Variants in OAT observed in about 807,000 individuals in gnomAD.
OAT encodes the protein ornithine aminotransferase.
Under a neutral mutation model 48.4 loss-of-function variants are expected in OAT, and 35 were observed. The observed-to-expected ratio is 0.72, with a 90% CI of 0.55 to 0.96. The LOEUF (loss-of-function observed/expected upper bound fraction) is 0.96, where lower values mean the gene tolerates loss of function less well. OAT is among the 40% of genes least tolerant of loss of function. The probability of loss-of-function intolerance (pLI) is 0.00; values close to 1 mark genes in which losing one functional copy is unlikely to be tolerated. For missense variants in OAT, 438 were observed against 537.9 expected (o/e 0.81, Z 1.84); for synonymous variants, 182 against 198.4 (o/e 0.92, Z 0.70).
intron 2 of OAT, among the ~76,000 whole-genome samples, chr10:124,409,762 T>C (rs1000782452): frequency 2.0e-5 from 3 of 152,098 alleles, no homozygotes; most frequent in African/African-American, 7.2e-5. Flanking sequence ...GGGGAAAGAC[T>C]TGAATAGCTA....
Position 124,398,412 on chromosome 10 carries a change from G to A in OAT, c.1160-310C>T, listed in dbSNP as rs529875935. 2.0e-5 allele frequency among the ~76,000 whole-genome samples: 3 copies of A among 152,108 alleles called. No individual in the cohort carries two copies. In the East Asian group the frequency reaches 5.8e-4, roughly 30 times the overall value. On this transcript the variant is annotated intron_variant, in intron 9 of 9. Coordinates refer to ENST00000368845, the MANE Select transcript of OAT (RefSeq NM_000274.4). ...AGTCCCAGCTACTCGGGAGACTGAGGCAGGAGAATCGCTTGAACCAGGAGG... is the reference window on the plus strand; with the variant it reads ...AGTCCCAGCTACTCGGGAGACTGAGACAGGAGAATCGCTTGAACCAGGAGG...
chr10:124,399,368 C>T (rs1490519900), intron 9 of OAT, among the ~76,000 whole-genome samples: 5 of 103,114 alleles, frequency 4.8e-5, no homozygotes, highest in Non-Finnish European at 7.2e-5. Flanking sequence ...TTTTTTGAGA[C>T]GGAGTCTCAC....
At chr10:124,411,333 C>G (rs1951744586) in intron 2 of OAT, among the ~76,000 whole-genome samples, 3 of 151,912 alleles carry the variant, frequency 2.0e-5, no homozygotes, top group Non-Finnish European at 4.4e-5. Context: ...AATGTCAGTA[C>G]TATTTGTTAC....
intron 8 of OAT, among the ~76,000 whole-genome samples, chr10:124,401,318 C>G (rs919984440): frequency 1.3e-5 from 2 of 152,232 alleles, no homozygotes; most frequent in African/African-American, 4.8e-5. Context: ...TCACAAAGAT[C>G]TGTCCTCAGA....
In OAT at chr10:124,397,316, T is replaced by C. The variant is rs1951260196; in HGVS notation, c.*626A>G. On this transcript the variant is annotated 3_prime_UTR_variant, in exon 10 of 10. Coordinates refer to ENST00000368845, the MANE Select transcript of OAT (RefSeq NM_000274.4). ...CATCACAAAACAGACATTTGAAATATAAGCTTTATTTTAAATTTAAAGAAG... is the reference window on the plus strand; with the variant it reads ...CATCACAAAACAGACATTTGAAATACAAGCTTTATTTTAAATTTAAAGAAG... 2 of 152,288 alleles carry C rather than the reference T, an allele frequency of 1.3e-5. No individual in the cohort carries two copies. The highest frequency in any genetic ancestry group is 2.9e-5 in the Non-Finnish European group (2 of 68,082). 9.4% of individuals were successfully genotyped at this position (152,288 alleles called of 1,614,324 possible).
intron 1 of OAT, among the ~76,000 whole-genome samples, chr10:124,418,444 C>T (rs12260740): frequency 0.035 from 5,378 of 152,288 alleles, 316 homozygotes; most frequent in African/African-American, 0.12. Flanking sequence ...CCCCGGGGCG[C>T]CTCGGGGTCT....
chr10:124,404,869 C>T (rs1379356160), intron 5 of OAT, among the ~76,000 whole-genome samples: 1 of 152,100 alleles, frequency 6.6e-6, no homozygotes, highest in Non-Finnish European at 1.5e-5. Flanking sequence ...CGTGGCGAAA[C>T]CATGTCTCTA....
rs545693584 is a variant in OAT, at chr10:124,402,135, G to T, written c.901-296C>A. 3.3e-5 allele frequency among the ~76,000 whole-genome samples: 5 copies of T among 152,108 alleles called. No homozygotes were observed. The South Asian group carries it at 1.0e-3, about 32-fold the overall frequency. On this transcript the variant is annotated intron_variant, in intron 7 of 9. Transcript: ENST00000368845. ...GGCTGGTCTCGAACTCATGACCTCA[G>T]GTGATCTGCCTGCCTCGGCCTCCCA...
chr10:124,409,162 T>C (rs1951683673), intron 2 of OAT, among the ~76,000 whole-genome samples, 197 bp from the exon 3 acceptor site: 1 of 152,254 alleles, frequency 6.6e-6, no homozygotes, highest in Admixed American at 6.5e-5. Flanking sequence ...GTATTTTATC[T>C]GCCCAGCTTC....
chr10:124,408,519 A>C (rs1355630661), intron 4 of OAT, 23 bp downstream of exon 4: 1 of 1,557,628 alleles, frequency 6.4e-7, no homozygotes, highest in East Asian at 2.2e-5. Context: ...CAATCATAGA[A>C]GTTAATATTT....
Position 124,412,050 on chromosome 10 carries a change from T to C in OAT, c.122A>G (p.Asp41Gly), listed in dbSNP as rs749013256. The change falls in exon 2 of 10, where the codon GAT becomes GGT. Residue 41 changes from aspartate (D) to glycine (G), a missense_variant. Asp to Gly is a moderately conservative substitution (Grantham distance 94). Coordinates refer to ENST00000368845, the MANE Select transcript of OAT (RefSeq NM_000274.4). ...CTTATATTCCCTTTCAAAAATGTCA[T>C]CAGAGGTTGGAGGGCCTTGGACTGT... is the stretch of plus-strand genomic sequence containing the variant. ...KKTVQGPPTS[D>G]DIFEREYKYG... 5.0e-6 allele frequency: 8 copies of C among 1,614,070 alleles called. No individual in the cohort carries two copies. Among genetic ancestry groups the C allele is most frequent in the Admixed American group, 1.7e-5 (1 of 60,002 alleles).
Position 124,401,896 on chromosome 10 carries a change from T to A in OAT, c.901-57A>T, listed in dbSNP as rs17681531. 0.19 allele frequency: 250,407 copies of A among 1,292,824 alleles called. 27,408 individuals carry two copies. Among genetic ancestry groups the A allele is most frequent in the Non-Finnish European group, 0.22 (200,707 of 898,106 alleles). 80.1% of individuals were successfully genotyped at this position (1,292,824 alleles called of 1,614,324 possible). A position where few individuals can be genotyped will look rare whatever the true frequency, so the allele number is the denominator to read the frequency against. ...TCAGCACTAAGCATTCTACTAAGCA[T>A]CCTTTTCCCCAGAGTCTCGCTGTCA... On this transcript the variant is annotated intron_variant, in intron 7 of 9. Transcript: ENST00000368845.
chr10:124,407,164 C>CA (rs1261613639), intron 4 of OAT: 12 of 985,296 alleles, frequency 1.2e-5, no homozygotes, highest in African/African-American at 1.7e-5. Context: ...CACTTGTCCA[C>CA]AAAAAATAGC....
chr10:124,407,059 T>C, intron 4 of OAT: 1 of 985,452 alleles, frequency 1.0e-6, no homozygotes, highest in Non-Finnish European at 1.2e-6. Flanking sequence ...TAATCAGTGC[T>C]GGATTATCGT....
intron 9 of OAT, 70 bp from the exon 10 acceptor site, chr10:124,398,172 C>A: frequency 6.5e-7 from 1 of 1,536,240 alleles, no homozygotes; most frequent in Admixed American, 1.7e-5. Context: ...TATGTATGGG[C>A]AAAGTGCAGC....
Position 124,403,270 on chromosome 10 carries a change from C to T in OAT, c.772-215G>A. On this transcript the variant is annotated intron_variant, in intron 6 of 9. Transcript: ENST00000368845. ...ATTTCCTTTGTCAGGCCACTATCTCCCTAGAGGCCCATTCTGCCCTGCTCT... is the reference window on the plus strand; with the variant it reads ...ATTTCCTTTGTCAGGCCACTATCTCTCTAGAGGCCCATTCTGCCCTGCTCT... 3 of 613,478 alleles carry T rather than the reference C, an allele frequency of 4.9e-6. No individual in the cohort carries two copies. The Admixed American group carries it at 8.4e-5, about 17-fold the overall frequency. 38.0% of individuals were successfully genotyped at this position (613,478 alleles called of 1,614,324 possible).
At chr10:124,408,694 A>G (rs780157258) in intron 3 of OAT, 47 bp downstream of exon 3, 2 of 1,583,954 alleles carry the variant, frequency 1.3e-6, no homozygotes, top group East Asian at 2.2e-5. Context: ...TCAAAAAATA[A>G]AAAGATTATT....
intron 9 of OAT, among the ~76,000 whole-genome samples, chr10:124,400,100 G>A (rs1951358686): frequency 6.6e-6 from 1 of 152,126 alleles, no homozygotes; most frequent in African/African-American, 2.4e-5. Context: ...TGTCTAAAAG[G>A]TTTGGTCATT....
chr10:124,403,789 C>G lies in OAT; in HGVS notation c.771+9G>C, dbSNP rs756798690. ...ATTCAGCCTTATCACAAACAGCTAA[C>G]GTGACAACCTGGTGCCTGGTGCAGA... On this transcript the variant is annotated intron_variant, in intron 6 of 9. Transcript: ENST00000368845. 1.1e-5 allele frequency: 18 copies of G among 1,613,964 alleles called. No homozygotes were observed. In the South Asian group the frequency reaches 1.9e-4, roughly 17 times the overall value.
Sources: gnomAD v4.1 joint callset for allele counts (sites outside exome capture counted in the v4.1 genomes callset) on GRCh38, gnomAD v4.1.1 for gene constraint, MANE v1.5 for transcripts, NCBI Gene and HGNC (gene_info 2026-07-23, HGNC 2026-07-21) for gene names.